FAM76B: variants seen among roughly 807,000 people sequenced by gnomAD.
The protein encoded by FAM76B is protein FAM76B.
Under a neutral mutation model 51.8 loss-of-function variants are expected in FAM76B, and 16 were observed. That is an observed-to-expected ratio of 0.31 (90% confidence interval 0.21 to 0.47). The LOEUF (loss-of-function observed/expected upper bound fraction) is 0.47. FAM76B is among the 20% of genes least tolerant of loss of function. FAM76B has a pLI of 1.00. For synonymous variants in FAM76B, 166 were observed against 129.5 expected (o/e 1.28, Z -1.91); for missense variants, 342 against 392.6 (o/e 0.87, Z 1.09).
chr11:95,778,022 A>T (rs1274730187), intron 8 of FAM76B, among the ~76,000 whole-genome samples: 1 of 151,474 alleles, frequency 6.6e-6, no homozygotes, highest in East Asian at 1.9e-4. Context: ...CATCAAAACC[A>T]TCACTTCAGA....
chr11:95,778,361 C>T (rs2120221456), intron 8 of FAM76B, among the ~76,000 whole-genome samples: 1 of 151,560 alleles, frequency 6.6e-6, no homozygotes, highest in East Asian at 1.9e-4. Flanking sequence ...TTGCTAATTA[C>T]TATTACTGAC....
intron 1 of FAM76B, chr11:95,789,083 C>T (rs1395799261): frequency 1.4e-6 from 2 of 1,412,138 alleles, no homozygotes; most frequent in Non-Finnish European, 1.9e-6. Context: ...ATCTCCACCC[C>T]TGGGTCTCTG....
chr11:95,788,106 C>G (rs568889637), intron 2 of FAM76B, among the ~76,000 whole-genome samples: 7 of 152,306 alleles, frequency 4.6e-5, no homozygotes, highest in South Asian at 2.1e-4. Flanking sequence ...AAAAATGTTA[C>G]GTACTACTCC....
chr11:95,783,208 C>T lies in FAM76B; in HGVS notation c.420G>A (p.Gln140=). The change falls in exon 5 of 10, where the codon CAG becomes CAA. Residue 140 remains glutamine (Q), a synonymous_variant. Transcript: ENST00000358780. ...LCTLSYKRVL[Q]KTKEQRKSLG... is the part of the protein sequence containing the mutation. ...GGCTCTTCCTTTGTTCTTTCGTCTT[C>T]TGTAAAACTCTTTTGTACGATAAAG... The T allele has an allele frequency of 6.2e-7, 1 of 1,613,878 alleles. No individual in the cohort carries two copies. Among genetic ancestry groups the T allele is most frequent in the Non-Finnish European group, 8.5e-7 (1 of 1,179,948 alleles).
intron 1 of FAM76B, 85 bp downstream of exon 1, chr11:95,789,307 G>A: frequency 7.1e-7 from 1 of 1,415,000 alleles, no homozygotes; most frequent in Non-Finnish European, 9.7e-7. Context: ...CGCCGGCGAA[G>A]AGGGGCTGCA....
Position 95,780,044 on chromosome 11 carries a change from G to A in FAM76B, c.564-118C>T, listed in dbSNP as rs114506835. The A allele has an allele frequency of 2.3e-3, 2,087 of 906,866 alleles. 41 individuals are homozygous for A. In the African/African-American group the frequency reaches 0.033, roughly 14 times the overall value. The allele number at this position is 906,866 out of a possible 1,614,324, so 56.2% of individuals were successfully genotyped here. On this transcript the variant is annotated intron_variant, in intron 5 of 9. Coordinates refer to ENST00000358780, the MANE Select transcript of FAM76B (RefSeq NM_144664.5). ...TTTATAATATTTTCTTCAGAGAAAGGTATATTTAAGTTTTCAGACTAAGCT... is the reference window on the plus strand; with the variant it reads ...TTTATAATATTTTCTTCAGAGAAAGATATATTTAAGTTTTCAGACTAAGCT...
intron 8 of FAM76B, 103 bp from the exon 9 acceptor site, chr11:95,776,126 G>A (rs1859996467): frequency 5.0e-6 from 3 of 598,442 alleles, no homozygotes; most frequent in Middle Eastern, 4.9e-4. Context: ...TACAAAAGTA[G>A]AAGATGTTAA....
At position 95,769,517 on chromosome 11, in the gene FAM76B, A is replaced by G. The variant is rs933832868; in HGVS notation, c.*2044T>C. 3 of 152,210 alleles carry G rather than the reference A, an allele frequency of 2.0e-5. No homozygotes were observed. Among genetic ancestry groups the G allele is most frequent in the Non-Finnish European group, 3.0e-5 (2 of 67,772 alleles). 9.4% of individuals were successfully genotyped at this position (152,210 alleles called of 1,614,324 possible). ...TAATGTTAGCTAATATTAATATTCA[A>G]CTTTTTAATTTTGATGTTAGCTAAG... On this transcript the variant is annotated 3_prime_UTR_variant, in exon 10 of 10. Coordinates refer to ENST00000358780, the MANE Select transcript of FAM76B (RefSeq NM_144664.5).
At position 95,783,086 on chromosome 11, in the gene FAM76B, C is replaced by T. The variant is rs544411157; in HGVS notation, c.542G>A (p.Arg181His). 12 of 1,613,574 alleles carry T rather than the reference C, an allele frequency of 7.4e-6. No homozygotes were observed. The highest frequency in any genetic ancestry group is 6.7e-5 in the Admixed American group (4 of 60,014). The change falls in exon 5 of 10, where the codon CGT becomes CAT. Residue 181 changes from arginine to histidine, a missense_variant. Arg to His is a conservative substitution (Grantham distance 29, BLOSUM62 0). Transcript: ENST00000358780. ...TTACTTGTGATGGCTACTGCTGTGA[C>T]GATGGTGATGGTGATGATGGTGGTG... ...HHHHHHHHHH[R>H]HSSSHHKISN...
chr11:95,785,961 CA>C (rs1361626918), intron 4 of FAM76B, among the ~76,000 whole-genome samples, 157 bp downstream of exon 4: 2 of 152,182 alleles, frequency 1.3e-5, no homozygotes, highest in East Asian at 3.8e-4. Context: ...ATCATGCAAA[CA>C]AAGAGAAAAC....
chr11:95,789,155 G>T, intron 1 of FAM76B: 1 of 1,190,496 alleles, frequency 8.4e-7, no homozygotes, highest in Non-Finnish European at 1.1e-6. Context: ...CGCTGACGGG[G>T]CCCGGCACCC....
intron 9 of FAM76B, among the ~76,000 whole-genome samples, chr11:95,773,200 G>A (rs1173461856): frequency 6.6e-6 from 1 of 150,806 alleles, no homozygotes; most frequent in Non-Finnish European, 1.5e-5. Flanking sequence ...TGAACATTAG[G>A]TCTTCAAAGC....
chr11:95,788,006 C>T (rs2120312983), intron 2 of FAM76B, among the ~76,000 whole-genome samples: 1 of 152,288 alleles, frequency 6.6e-6, no homozygotes, highest in Admixed American at 6.5e-5. Flanking sequence ...GGCTACTGTC[C>T]AACATTATAA....
chr11:95,777,875 C>T (rs888891488), intron 8 of FAM76B, among the ~76,000 whole-genome samples: 2 of 151,412 alleles, frequency 1.3e-5, no homozygotes, highest in Non-Finnish European at 3.0e-5. Context: ...TCTCCTACTG[C>T]ATAATACATT....
chr11:95,778,631 G>C (rs767146132), intron 8 of FAM76B, among the ~76,000 whole-genome samples, 191 bp downstream of exon 8: 4 of 151,266 alleles, frequency 2.6e-5, no homozygotes, highest in Non-Finnish European at 4.4e-5. Context: ...TTAATTCTTA[G>C]AACTAAAAAT....
chr11:95,772,207 C>T (rs1209641806), intron 9 of FAM76B, among the ~76,000 whole-genome samples: 1 of 150,858 alleles, frequency 6.6e-6, no homozygotes, highest in Non-Finnish European at 1.5e-5. Flanking sequence ...TTTAAAGCAC[C>T]CATCAGAACC....
intron 2 of FAM76B, 63 bp downstream of exon 2, chr11:95,788,436 C>T (rs1035133876): frequency 1.5e-5 from 19 of 1,287,368 alleles, no homozygotes; most frequent in African/African-American, 3.0e-5. Flanking sequence ...GGATTACAAC[C>T]CCCAAGTATT....
At chr11:95,776,177 T>A (rs1362197203) in intron 8 of FAM76B, among the ~76,000 whole-genome samples, 154 bp from the exon 9 acceptor site, 2 of 151,562 alleles carry the variant, frequency 1.3e-5, no homozygotes, top group Admixed American at 1.3e-4. Flanking sequence ...AAAGTTTGTT[T>A]GGTGAAATGA....
chr11:95,780,484 G>C (rs1860210750), intron 5 of FAM76B, among the ~76,000 whole-genome samples: 1 of 151,908 alleles, frequency 6.6e-6, no homozygotes, highest in Non-Finnish European at 1.5e-5. Context: ...TGAAACTATT[G>C]AGAAATTTCA....
Sources: gnomAD v4.1 joint callset for allele counts (sites outside exome capture counted in the v4.1 genomes callset) on GRCh38, gnomAD v4.1.1 for gene constraint, MANE v1.5 for transcripts, NCBI Gene and HGNC (gene_info 2026-07-23, HGNC 2026-07-21) for gene names.